Variants in AFM observed in about 807,000 individuals in gnomAD.
AFM encodes the protein afamin.
AFM carries 82 observed loss-of-function variants against 68.7 expected under a neutral mutation model. The ratio of observed to expected loss-of-function variants is 1.19; its 90% CI spans 1.00 to 1.43. AFM has a LOEUF of 1.43. Ranked by LOEUF, AFM falls within the 40% of genes most tolerant of loss-of-function variation. The pLI, the probability that AFM is intolerant of heterozygous loss-of-function variation, is 0.00. For synonymous variants in AFM, 250 were observed against 234.2 expected (o/e 1.07, Z -0.61); for missense variants, 772 against 701.8 (o/e 1.10, Z -1.13).
chr4:73,485,748 G>C, intron 3 of AFM, 114 bp from the exon 4 acceptor site: 1 of 772,886 alleles, frequency 1.3e-6, no homozygotes, highest in East Asian at 2.7e-5. Context: ...GTAGGAGAAA[G>C]AGAAGGAGCT....
At position 73,500,040 on chromosome 4, in the gene AFM, G is replaced by A; in HGVS notation, c.1459G>A (p.Glu487Lys). ...TTTTGGAGAGTTATGTGGAGTAAATGAAAATCGAACTATCAACCCTGCTGT... is the reference window on the plus strand; with the variant it reads ...TTTTGGAGAGTTATGTGGAGTAAATAAAAATCGAACTATCAACCCTGCTGT... ...LVFGELCGVN[E>K]NRTINPAVDH... Residue 487 changes from glutamate (E) to lysine (K), a missense_variant, in exon 12 of 15, where the codon GAA (glutamate) becomes AAA (lysine). By Grantham distance (56) the Glu-to-Lys change is moderately conservative. Transcript: ENST00000226355. 1 of 1,614,010 alleles carries A rather than the reference G, an allele frequency of 6.2e-7. No homozygotes were observed. Among genetic ancestry groups the A allele is most frequent in the South Asian group, 1.1e-5 (1 of 91,078 alleles).
chr4:73,499,033 A>G (rs2149346754), intron 10 of AFM, 81 bp from the exon 11 acceptor site: 1 of 1,451,834 alleles, frequency 6.9e-7, no homozygotes, highest in East Asian at 2.4e-5. Context: ...CTAGCCTTGA[A>G]GGGTCTGGGC....
In AFM at chr4:73,488,717, T is replaced by C; in HGVS notation, c.801T>C (p.Asp267=). ...SLVEDVSSNY[D]GCCEGDVVQC... is the part of the protein sequence containing the mutation. Reference sequence around the variant, plus strand: ...TAGAAGATGTTTCTTCCAACTATGATGGATGCTGTGAAGGGGATGTTGTGC... The same window carrying C: ...TAGAAGATGTTTCTTCCAACTATGACGGATGCTGTGAAGGGGATGTTGTGC... Residue 267 remains aspartate, a synonymous_variant, in exon 7 of 15, where the codon GAT becomes GAC. Transcript: ENST00000226355. 2 of 1,613,452 alleles carry C rather than the reference T, an allele frequency of 1.2e-6. No individual in the cohort carries two copies. The highest frequency in any genetic ancestry group is 1.1e-5 in the South Asian group (1 of 90,960).
intron 12 of AFM, among the ~76,000 whole-genome samples, chr4:73,500,637 T>C (rs1287487759): frequency 2.0e-5 from 3 of 152,178 alleles, no homozygotes; most frequent in African/African-American, 7.2e-5. Flanking sequence ...GCCAGGAAAT[T>C]AGACCTAGTT....
chr4:73,502,774 C>T (rs142673845), intron 13 of AFM, among the ~76,000 whole-genome samples: 1 of 151,974 alleles, frequency 6.6e-6, no homozygotes, highest in Non-Finnish European at 1.5e-5. Flanking sequence ...AAAAAATATA[C>T]CTAATTTTAA....
At chr4:73,488,199 A>G (rs1231345984) in intron 6 of AFM, among the ~76,000 whole-genome samples, 1 of 152,198 alleles carries the variant, frequency 6.6e-6, no homozygotes, top group Non-Finnish European at 1.5e-5. Context: ...GATAAATTTT[A>G]TCTCTAGTGC....
intron 1 of AFM, 74 bp from the exon 2 acceptor site, chr4:73,483,867 C>T (rs570053222): frequency 2.7e-5 from 34 of 1,241,388 alleles, no homozygotes; most frequent in South Asian, 9.9e-5. Flanking sequence ...CACTTAAATG[C>T]CATGTATAGT....
chr4:73,485,916 A>T lies in AFM; in HGVS notation c.325A>T (p.Asn109Tyr). ...TATGGAGGGGCTGCCACAAAAGCAT[A>T]ATTTCTCACACTGCTGCAGTAAGGT... ...CAMEGLPQKH[N>Y]FSHCCSKVDA... The change falls in exon 4 of 15, where the codon AAT becomes TAT. Residue 109 changes from asparagine (N) to tyrosine (Y), a missense_variant. Asn to Tyr is a moderately radical substitution (Grantham distance 143). Coordinates refer to ENST00000226355, the MANE Select transcript of AFM (RefSeq NM_001133.2). The T allele has an allele frequency of 6.2e-7, 1 of 1,614,118 alleles. No homozygotes were observed. Among genetic ancestry groups the T allele is most frequent in the Non-Finnish European group, 8.5e-7 (1 of 1,179,998 alleles).
chr4:73,497,206 C>A (rs571194325), intron 9 of AFM, among the ~76,000 whole-genome samples: 1 of 152,040 alleles, frequency 6.6e-6, no homozygotes, highest in Non-Finnish European at 1.5e-5. Context: ...ATGAAAAAAT[C>A]AAAAAGAGCA....
At position 73,486,975 on chromosome 4, in the gene AFM, A is replaced by G. The variant is rs554069818; in HGVS notation, c.491A>G (p.Tyr164Cys). The G allele has an allele frequency of 7.4e-6, 12 of 1,610,766 alleles. No homozygotes were observed. The East Asian group carries it at 1.6e-4, about 21-fold the overall frequency. ...ATTTTTATTTTTTATAGCTTTTTAT[A>G]TGAAGTTGCCAGAAGGAACCCATTT... ...NRESLLNHFL[Y>C]EVARRNPFVF... The change falls in exon 5 of 15, where the codon TAT becomes TGT. Residue 164 changes from tyrosine (Y) to cysteine (C), a missense_variant. By Grantham distance (194) the Tyr-to-Cys change is radical. Transcript: ENST00000226355.
Position 73,482,447 on chromosome 4 carries a change from G to A in AFM, c.88+584G>A, listed in dbSNP as rs1720741706. Among the ~76,000 whole-genome samples, 4 of 152,262 alleles carry A rather than the reference G, an allele frequency of 2.6e-5. No individual in the cohort carries two copies. In the South Asian group the frequency reaches 8.3e-4, roughly 32 times the overall value. On this transcript the variant is annotated intron_variant, in intron 1 of 14. Coordinates refer to ENST00000226355, the MANE Select transcript of AFM (RefSeq NM_001133.2). Reference sequence around the variant, plus strand: ...TTTCTAATCCTTTTTGGCCTAGAAGGAGCTCCTTTCTTTGACTTGAACAAA... The same window carrying A: ...TTTCTAATCCTTTTTGGCCTAGAAGAAGCTCCTTTCTTTGACTTGAACAAA...
chr4:73,486,222 G>A, intron 4 of AFM, 149 bp downstream of exon 4: 2 of 741,354 alleles, frequency 2.7e-6, no homozygotes, highest in Non-Finnish European at 4.4e-6. Flanking sequence ...CAGATACTGT[G>A]CTCAGTGTTC....
At chr4:73,498,075 T>A (rs1187345841) in intron 10 of AFM, among the ~76,000 whole-genome samples, 1 of 152,176 alleles carries the variant, frequency 6.6e-6, no homozygotes, top group African/African-American at 2.4e-5. Context: ...ATATTTCAGG[T>A]CATTACAGTT....
chr4:73,491,188 T>C (rs1232656679), intron 7 of AFM, among the ~76,000 whole-genome samples: 2 of 152,164 alleles, frequency 1.3e-5, no homozygotes, highest in Non-Finnish European at 2.9e-5. Context: ...CCCCACCCTC[T>C]CTCTAATTCC....
chr4:73,497,088 C>G (rs917159358), intron 9 of AFM, among the ~76,000 whole-genome samples: 10 of 152,150 alleles, frequency 6.6e-5, no homozygotes, highest in African/African-American at 1.9e-4. Flanking sequence ...GTGTTTAGTT[C>G]TCTGTCTGGT....
chr4:73,502,059 A>G (rs1721437797), intron 13 of AFM, 140 bp downstream of exon 13: 4 of 915,254 alleles, frequency 4.4e-6, no homozygotes, highest in Non-Finnish European at 6.4e-6. Flanking sequence ...CACAACTAAT[A>G]TGTAGACATC....
chr4:73,499,026 G>A, intron 10 of AFM, 88 bp from the exon 11 acceptor site: 1 of 1,410,002 alleles, frequency 7.1e-7, no homozygotes, highest in Non-Finnish European at 9.6e-7. Context: ...GTTGTCGCTA[G>A]CCTTGAAGGG....
chr4:73,501,762 T>A, intron 12 of AFM, 25 bp from the exon 13 acceptor site: 2 of 1,602,486 alleles, frequency 1.2e-6, no homozygotes, highest in Non-Finnish European at 1.7e-6. Context: ...GTTAATTAAT[T>A]TTATTTGACA....
intron 9 of AFM, among the ~76,000 whole-genome samples, chr4:73,496,285 G>T (rs1682640861): frequency 6.6e-6 from 1 of 152,008 alleles, no homozygotes; most frequent in East Asian, 1.9e-4. Context: ...TTAAATGATG[G>T]TATCCCATCA....
Sources: gnomAD v4.1 joint callset for allele counts (sites outside exome capture counted in the v4.1 genomes callset) on GRCh38, gnomAD v4.1.1 for gene constraint, MANE v1.5 for transcripts, NCBI Gene and HGNC (gene_info 2026-07-23, HGNC 2026-07-21) for gene names.